RAD54B: variants seen among roughly 807,000 people sequenced by gnomAD.
RAD54B encodes DNA repair and recombination protein RAD54B.
Under a neutral mutation model 95.8 loss-of-function variants are expected in RAD54B, and 78 were observed. That is an observed-to-expected ratio of 0.81 (90% confidence interval 0.68 to 0.98). The LOEUF is 0.98. Ranked by LOEUF, RAD54B falls within the 50% of genes least tolerant of loss-of-function variation. The pLI is 0.00. For missense variants in RAD54B, 957 were observed against 1,056.6 expected (o/e 0.91, Z 1.31); for synonymous variants, 328 against 354.9 (o/e 0.92, Z 0.85).
chr8:94,382,113 CA>C (rs537712504), intron 11 of RAD54B, among the ~76,000 whole-genome samples: 436 of 106,736 alleles, frequency 4.1e-3, no homozygotes, highest in African/African-American at 0.012. Context: ...GACTCCCTCT[CA>C]AAAAAAAAAA....
At chr8:94,430,526 C>T in intron 3 of RAD54B, 1 of 845,258 alleles carries the variant, frequency 1.2e-6, no homozygotes, top group Non-Finnish European at 1.4e-6. Context: ...AAAGAGATTG[C>T]TGACACCCCC....
At chr8:94,458,587 C>G in intron 2 of RAD54B, 151 bp from the exon 3 acceptor site, 1 of 615,898 alleles carries the variant, frequency 1.6e-6, no homozygotes. Flanking sequence ...TTAATATCTG[C>G]TGGGCATGGT....
At position 94,404,239 on chromosome 8, in the gene RAD54B, T is replaced by G. The variant is rs899296422; in HGVS notation, c.782A>C (p.Asn261Thr). The change falls in exon 6 of 15, where the codon AAT (asparagine) becomes ACT (threonine). Residue 261 changes from asparagine to threonine, a missense_variant and splice_region_variant. By Grantham distance (65) the Asn-to-Thr change is moderately conservative. Coordinates refer to ENST00000336148, the MANE Select transcript of RAD54B (RefSeq NM_012415.3). Reference sequence around the variant, plus strand: ...ATCTGGTCGTGGCATAACGAGGGAATCTTAAAAAATGATAAAAGTACAAGT... The same window carrying G: ...ATCTGGTCGTGGCATAACGAGGGAAGCTTAAAAAATGATAAAAGTACAAGT... ...CKPRHDPYTP[N>T]SLVMPRPDKN... 1.9e-6 allele frequency: 3 copies of G among 1,580,264 alleles called. No individual in the cohort carries two copies. In the African/African-American group the frequency reaches 4.1e-5, roughly 22 times the overall value.
intron 3 of RAD54B, chr8:94,428,228 T>C (rs181174700): frequency 2.3e-6 from 2 of 883,838 alleles, no homozygotes; most frequent in Non-Finnish European, 2.7e-6. Context: ...TTCTACAGAA[T>C]CAAGTCTACA....
chr8:94,445,264 C>T (rs1189452384), intron 3 of RAD54B, among the ~76,000 whole-genome samples: 1 of 152,144 alleles, frequency 6.6e-6, no homozygotes, highest in Non-Finnish European at 1.5e-5. Flanking sequence ...GCTCCACTCT[C>T]ATACCTAATT....
At chr8:94,437,907 A>G (rs1812306219) in intron 3 of RAD54B, among the ~76,000 whole-genome samples, 1 of 152,232 alleles carries the variant, frequency 6.6e-6, no homozygotes, top group African/African-American at 2.4e-5. Context: ...ATAATAATGT[A>G]AGCAAGACAA....
At chr8:94,437,367 C>A (rs955413014) in intron 3 of RAD54B, among the ~76,000 whole-genome samples, 13 of 152,144 alleles carry the variant, frequency 8.5e-5, no homozygotes, top group African/African-American at 2.9e-4. Flanking sequence ...TGTAGTAATT[C>A]CTAACAGAGC....
intron 3 of RAD54B, chr8:94,429,591 TTAC>T (rs1812034935): frequency 1.0e-6 from 1 of 983,006 alleles, no homozygotes; most frequent in Non-Finnish European, 1.2e-6. Flanking sequence ...AAAATAAAGC[TTAC>T]TACTGCCAAG....
At chr8:94,430,737 T>A (rs1395548263) in intron 3 of RAD54B, 1 of 968,964 alleles carries the variant, frequency 1.0e-6, no homozygotes, top group African/African-American at 1.8e-5. Flanking sequence ...TTTGCAAACA[T>A]TTTAAAATTG....
intron 3 of RAD54B, among the ~76,000 whole-genome samples, chr8:94,453,753 C>G (rs1174260018): frequency 6.6e-6 from 1 of 152,052 alleles, no homozygotes; most frequent in Non-Finnish European, 1.5e-5. Context: ...AAGTAGACAG[C>G]TATGTAACAG....
At chr8:94,410,995 G>C (rs1425860618) in intron 4 of RAD54B, 126 bp downstream of exon 4, 2 of 672,834 alleles carry the variant, frequency 3.0e-6, no homozygotes, top group Non-Finnish European at 2.5e-6. Flanking sequence ...ACACAGTTGA[G>C]GCATGAACAT....
chr8:94,392,454 G>A (rs1811044878), intron 9 of RAD54B, among the ~76,000 whole-genome samples: 1 of 152,014 alleles, frequency 6.6e-6, no homozygotes, highest in Non-Finnish European at 1.5e-5. Flanking sequence ...TAAAGATGGG[G>A]TTTCACCATG....
chr8:94,456,534 A>G (rs967361448), intron 3 of RAD54B, among the ~76,000 whole-genome samples: 1 of 152,182 alleles, frequency 6.6e-6, no homozygotes, highest in Admixed American at 6.5e-5. Context: ...CATAGAGAAA[A>G]AGAGAGAAAG....
intron 3 of RAD54B, chr8:94,429,070 C>A (rs2130093532): frequency 2.0e-6 from 2 of 985,266 alleles, no homozygotes; most frequent in South Asian, 4.7e-5. Flanking sequence ...GTAAACAAGA[C>A]TGACTTGGAG....
chr8:94,380,515 G>T (rs952076806), intron 11 of RAD54B, 109 bp from the exon 12 acceptor site: 3 of 1,096,256 alleles, frequency 2.7e-6, no homozygotes, highest in Non-Finnish European at 3.9e-6. Context: ...GAGAGAACAT[G>T]CAACAATGAC....
intron 3 of RAD54B, among the ~76,000 whole-genome samples, chr8:94,455,990 A>T (rs555932921): frequency 1.3e-5 from 2 of 152,302 alleles, no homozygotes; most frequent in Admixed American, 1.3e-4. Context: ...TAGGAGACAC[A>T]ATTGAAGCCA....
chr8:94,407,798 T>C, intron 4 of RAD54B, 78 bp from the exon 5 acceptor site: 4 of 1,262,956 alleles, frequency 3.2e-6, no homozygotes, highest in Non-Finnish European at 4.4e-6. Context: ...ACAAAAAAAC[T>C]GCACTTTGAA....
chr8:94,398,443 C>G (rs537963128), intron 8 of RAD54B, among the ~76,000 whole-genome samples: 1 of 151,922 alleles, frequency 6.6e-6, no homozygotes, highest in South Asian at 2.1e-4. Context: ...ATATTTCCAC[C>G]CTATCAGTAT....
intron 3 of RAD54B, among the ~76,000 whole-genome samples, chr8:94,457,212 C>T (rs963234192): frequency 6.6e-6 from 1 of 151,986 alleles, no homozygotes; most frequent in Non-Finnish European, 1.5e-5. Context: ...AGTCACCTAA[C>T]AAGGATGGAA....
Sources: allele counts gnomAD v4.1 joint callset (sites outside exome capture counted in the v4.1 genomes callset), GRCh38; gene constraint gnomAD v4.1.1; transcripts MANE v1.5; gene names NCBI Gene and HGNC (gene_info 2026-07-23, HGNC 2026-07-21).